Variants in DLG2 observed in about 807,000 individuals in gnomAD.
DLG2 encodes the protein disks large homolog 2.
Under a neutral mutation model 132.5 loss-of-function variants are expected in DLG2, and 45 were observed. The ratio of observed to expected loss-of-function variants is 0.34; its 90% CI spans 0.27 to 0.44. The LOEUF is 0.44. DLG2 is among the 20% of genes least tolerant of loss of function. The pLI is 1.00. For missense variants in DLG2, 1,045 were observed against 1,196.9 expected (o/e 0.87, Z 1.87); for synonymous variants, 424 against 419.6 (o/e 1.01, Z -0.13).
chr11:83,747,749 G>A (rs996278352), intron 18 of DLG2, among the ~76,000 whole-genome samples: 2 of 151,812 alleles, frequency 1.3e-5, no homozygotes, highest in Non-Finnish European at 2.9e-5. Context: ...AGTGCTGCAA[G>A]TATAGATGTT....
chr11:84,851,263 T>C (rs2082129296), intron 6 of DLG2, among the ~76,000 whole-genome samples: 1 of 152,134 alleles, frequency 6.6e-6, no homozygotes, highest in Non-Finnish European at 1.5e-5. Context: ...AATGTCTGTC[T>C]TCCTTCACAT....
intron 18 of DLG2, chr11:83,682,373 C>A: frequency 1.0e-6 from 1 of 985,426 alleles, no homozygotes; most frequent in Non-Finnish European, 1.2e-6. Context: ...GACCATGCAG[C>A]ATTCTCGCTC....
chr11:83,944,071 T>C (rs1297050621), intron 14 of DLG2, among the ~76,000 whole-genome samples: 1 of 152,194 alleles, frequency 6.6e-6, no homozygotes, highest in Non-Finnish European at 1.5e-5. Context: ...GATAAAAATC[T>C]GCTCTTGACA....
intron 8 of DLG2, among the ~76,000 whole-genome samples, chr11:84,186,929 G>A (rs1184764049): frequency 1.3e-5 from 2 of 151,810 alleles, no homozygotes; most frequent in Non-Finnish European, 2.9e-5. Flanking sequence ...TACTAAAAAT[G>A]TCCTTCTGAA....
At chr11:83,520,696 TAGATAGATAGATAGATAGA>T (rs2095452401) in intron 21 of DLG2, among the ~76,000 whole-genome samples, 1 of 15,708 alleles carries the variant, frequency 6.4e-5, no homozygotes, top group Non-Finnish European at 1.3e-4. Context: ...AGTAGGTAGG[TAGATAGATAGATAGATAGA>T]TAGATAGATA....
intron 5 of DLG2, among the ~76,000 whole-genome samples, chr11:85,124,177 T>C (rs1001193420): frequency 7.9e-5 from 12 of 152,272 alleles, no homozygotes; most frequent in African/African-American, 2.9e-4. Flanking sequence ...TGGCACTAGC[T>C]ACTCCCCTTG....
intron 15 of DLG2, among the ~76,000 whole-genome samples, chr11:83,917,712 T>C (rs1320968712): frequency 1.3e-5 from 2 of 152,196 alleles, no homozygotes; most frequent in Admixed American, 1.3e-4. Flanking sequence ...CTTTGAGCTA[T>C]AAGACTATAA....
At chr11:84,594,583 C>T (rs1031945757) in intron 6 of DLG2, among the ~76,000 whole-genome samples, 1 of 152,132 alleles carries the variant, frequency 6.6e-6, no homozygotes, top group Non-Finnish European at 1.5e-5. Flanking sequence ...GACTGAAATA[C>T]GGATGGGACT....
intron 18 of DLG2, among the ~76,000 whole-genome samples, chr11:83,677,057 C>T (rs2077846029): frequency 1.3e-5 from 2 of 152,120 alleles, no homozygotes; most frequent in South Asian, 2.1e-4. Flanking sequence ...TGGCTTGACT[C>T]TTTCAGAGTT....
chr11:85,440,269 T>G (rs1421396785), intron 3 of DLG2, among the ~76,000 whole-genome samples: 2 of 152,202 alleles, frequency 1.3e-5, no homozygotes, highest in Non-Finnish European at 2.9e-5. Context: ...ACAATTGCTG[T>G]GTCTCAGTTT....
At chr11:84,009,615 G>A (rs2154061894) in intron 11 of DLG2, among the ~76,000 whole-genome samples, 1 of 152,180 alleles carries the variant, frequency 6.6e-6, no homozygotes, top group South Asian at 2.1e-4. Context: ...GGAGGGAAGG[G>A]CCCTTGGGTG....
At chr11:83,515,734 G>C (rs1477345264) in intron 21 of DLG2, among the ~76,000 whole-genome samples, 9 of 152,086 alleles carry the variant, frequency 5.9e-5, no homozygotes, top group East Asian at 3.9e-4. Context: ...TCTTTGTTCT[G>C]GTTGGTTTCA....
intron 7 of DLG2, among the ~76,000 whole-genome samples, chr11:84,510,131 T>C (rs1390041310): frequency 6.6e-6 from 1 of 150,462 alleles, no homozygotes; most frequent in Non-Finnish European, 1.5e-5. Flanking sequence ...ATTATGTTAA[T>C]CAGAAAATAA....
At chr11:85,250,223 G>T (rs1410181135) in intron 4 of DLG2, among the ~76,000 whole-genome samples, 1 of 152,062 alleles carries the variant, frequency 6.6e-6, no homozygotes, top group Non-Finnish European at 1.5e-5. Flanking sequence ...TCTTTTTAAA[G>T]TCCCTATCAC....
intron 4 of DLG2, among the ~76,000 whole-genome samples, chr11:85,201,005 G>T (rs1319715966): frequency 6.6e-6 from 1 of 151,580 alleles, no homozygotes; most frequent in Non-Finnish European, 1.5e-5. Context: ...TGGCTAATGA[G>T]AATAAGCTCT....
chr11:84,490,991 A>G (rs934815078), intron 7 of DLG2, among the ~76,000 whole-genome samples: 2 of 152,056 alleles, frequency 1.3e-5, no homozygotes, highest in African/African-American at 4.8e-5. Flanking sequence ...TTGAGGATAA[A>G]GAGGTTAAGA....
At chr11:83,594,299 C>T (rs1376390762) in intron 19 of DLG2, among the ~76,000 whole-genome samples, 2 of 152,186 alleles carry the variant, frequency 1.3e-5, no homozygotes, top group Non-Finnish European at 2.9e-5. Flanking sequence ...GGAGCAGAGC[C>T]CTTCCTCAAG....
At chr11:85,556,849 T>A (rs879849687) in intron 3 of DLG2, among the ~76,000 whole-genome samples, 3 of 151,868 alleles carry the variant, frequency 2.0e-5, no homozygotes, top group Non-Finnish European at 4.4e-5. Flanking sequence ...TCTCTTCTAG[T>A]TATCCAAATA....
At chr11:83,854,704 A>G (rs1175809299) in intron 16 of DLG2, among the ~76,000 whole-genome samples, 2 of 152,204 alleles carry the variant, frequency 1.3e-5, no homozygotes, top group Non-Finnish European at 2.9e-5. Flanking sequence ...CTGTTTGGAT[A>G]CAACACCAAA....
Sources: allele counts gnomAD v4.1 joint callset (sites outside exome capture counted in the v4.1 genomes callset), GRCh38; gene constraint gnomAD v4.1.1; transcripts MANE v1.5; gene names NCBI Gene and HGNC (gene_info 2026-07-23, HGNC 2026-07-21).